The following OPCML variants were observed in gnomAD, a reference collection of about 807,000 sequenced individuals.
The protein encoded by OPCML is opioid-binding protein/cell adhesion molecule.
A neutral mutation model predicts 37.8 loss-of-function variants in OPCML; 13 were observed. The observed-to-expected ratio is 0.34, with a 90% confidence interval of 0.22 to 0.55. OPCML has a LOEUF of 0.55. Among genes scored for constraint, OPCML ranks in the 20% least tolerant of loss-of-function variants. OPCML has a pLI of 0.91. For missense variants in OPCML, 341 were observed against 435.6 expected, an observed-to-expected ratio of 0.78 and a Z score of 1.93; for synonymous variants, 176 against 168.8, an observed-to-expected ratio of 1.04 and a Z score of -0.33.
intron 2 of OPCML, among the ~76,000 whole-genome samples, chr11:132,768,370 A>T (rs1352394850): frequency 6.6e-6 from 1 of 152,168 alleles, no homozygotes; most frequent in Non-Finnish European, 1.5e-5. Context: ...GCAGTAGGAC[A>T]TGGAGTGATT....
intron 1 of OPCML, among the ~76,000 whole-genome samples, chr11:133,035,148 C>T (rs1947755019): frequency 1.3e-5 from 2 of 152,158 alleles, no homozygotes; most frequent in Admixed American, 1.3e-4. Context: ...TGCAGTCTTG[C>T]TCATAGATTA....
intron 1 of OPCML, chr11:133,365,451 C>T (rs752992574): frequency 1.3e-5 from 2 of 152,136 alleles, no homozygotes; most frequent in Non-Finnish European, 2.9e-5. Flanking sequence ...ATCTTTCTCA[C>T]ATATCTCCTT....
intron 2 of OPCML, among the ~76,000 whole-genome samples, chr11:132,660,445 G>A (rs568341473): frequency 6.6e-6 from 1 of 152,000 alleles, no homozygotes; most frequent in Non-Finnish European, 1.5e-5. Context: ...ACTCGCAAAG[G>A]GGTTTATAAC....
At chr11:133,135,307 C>T (rs1949670827) in intron 1 of OPCML, among the ~76,000 whole-genome samples, 1 of 152,152 alleles carries the variant, frequency 6.6e-6, no homozygotes. Flanking sequence ...ATGTGATTGG[C>T]TAGTTAACTG....
At chr11:132,697,130 G>A (rs575789329) in intron 2 of OPCML, among the ~76,000 whole-genome samples, 10 of 152,142 alleles carry the variant, frequency 6.6e-5, no homozygotes, top group Admixed American at 1.3e-4. Context: ...AAATTTCCCC[G>A]TTTCATTGAG....
At chr11:132,437,024 G>T (rs987290091) in intron 5 of OPCML, 198 bp downstream of exon 5, 2 of 855,476 alleles carry the variant, frequency 2.3e-6, no homozygotes, top group East Asian at 1.2e-4. Flanking sequence ...CTCTCCATTT[G>T]CTGAAAACTC....
At chr11:132,864,935 C>T (rs868495281) in intron 2 of OPCML, among the ~76,000 whole-genome samples, 3 of 152,348 alleles carry the variant, frequency 2.0e-5, no homozygotes, top group Middle Eastern at 3.4e-3. Flanking sequence ...GTGAAGGGCT[C>T]ATCTCCTGAA....
intron 4 of OPCML, among the ~76,000 whole-genome samples, chr11:132,485,215 C>T (rs1038043816): frequency 2.0e-5 from 3 of 152,026 alleles, no homozygotes; most frequent in Admixed American, 6.6e-5. Flanking sequence ...CACTGTCCCC[C>T]GACTCATGAC....
intron 1 of OPCML, among the ~76,000 whole-genome samples, chr11:132,996,848 A>G (rs1021932887): frequency 1.3e-5 from 2 of 152,130 alleles, no homozygotes; most frequent in African/African-American, 4.8e-5. Context: ...TTAAACATAT[A>G]ATTGATTCTA....
intron 1 of OPCML, among the ~76,000 whole-genome samples, chr11:132,998,589 G>A (rs896876082): frequency 6.6e-6 from 1 of 152,114 alleles, no homozygotes; most frequent in African/African-American, 2.4e-5. Context: ...GCATAAAAAA[G>A]GTATTTTCCA....
chr11:133,345,843 T>C (rs1247463105), intron 1 of OPCML, among the ~76,000 whole-genome samples: 1 of 152,224 alleles, frequency 6.6e-6, no homozygotes, highest in Non-Finnish European at 1.5e-5. Flanking sequence ...TGGTCCTTTC[T>C]GTCTGATACA....
chr11:132,751,474 T>C (rs996105735), intron 2 of OPCML, among the ~76,000 whole-genome samples: 1 of 152,206 alleles, frequency 6.6e-6, no homozygotes, highest in East Asian at 1.9e-4. Flanking sequence ...ACTAAATTCA[T>C]TGTCTTTGTA....
At chr11:132,699,381 A>G (rs1435200373) in intron 2 of OPCML, among the ~76,000 whole-genome samples, 1 of 152,042 alleles carries the variant, frequency 6.6e-6, no homozygotes, top group Non-Finnish European at 1.5e-5. Flanking sequence ...GACTTTCAAC[A>G]CTTTGTTAGA....
intron 2 of OPCML, among the ~76,000 whole-genome samples, chr11:132,696,731 T>C (rs972387767): frequency 6.6e-6 from 1 of 151,990 alleles, no homozygotes; most frequent in African/African-American, 2.4e-5. Context: ...ACAAAACTTA[T>C]GCAGAGACAC....
At chr11:133,390,417 C>A (rs542066203) in intron 1 of OPCML, among the ~76,000 whole-genome samples, 1 of 152,236 alleles carries the variant, frequency 6.6e-6, no homozygotes, top group Admixed American at 6.5e-5. Flanking sequence ...GAGCCGAGAT[C>A]GCGCCACTGC....
chr11:133,003,688 T>C, intron 1 of OPCML: 1 of 985,410 alleles, frequency 1.0e-6, no homozygotes, highest in Non-Finnish European at 1.2e-6. Flanking sequence ...CAGCATTCTA[T>C]TGCTTCCGGT....
intron 3 of OPCML, among the ~76,000 whole-genome samples, chr11:132,547,163 CACTT>C (rs1565653998): frequency 6.6e-6 from 1 of 152,172 alleles, no homozygotes; most frequent in African/African-American, 2.4e-5. Context: ...AGCAGGCACT[CACTT>C]TATTTGAATT....
chr11:132,540,950 T>A (rs575021928), intron 3 of OPCML, among the ~76,000 whole-genome samples: 1 of 152,034 alleles, frequency 6.6e-6, no homozygotes, highest in Non-Finnish European at 1.5e-5. Context: ...CTCCTTTTGT[T>A]CCTTTCCCCC....
intron 2 of OPCML, among the ~76,000 whole-genome samples, chr11:132,818,186 G>A (rs1939740372): frequency 1.3e-5 from 2 of 152,150 alleles, no homozygotes; most frequent in East Asian, 3.9e-4. Flanking sequence ...CCTGGAAGTA[G>A]AGAAGATCCT....
Sources: allele counts gnomAD v4.1 joint callset (sites outside exome capture counted in the v4.1 genomes callset), GRCh38; gene constraint gnomAD v4.1.1; transcripts MANE v1.5; gene names NCBI Gene and HGNC (gene_info 2026-07-23, HGNC 2026-07-21).